IL1RAPL1: variants seen among roughly 807,000 people sequenced by gnomAD.
IL1RAPL1 encodes interleukin-1 receptor accessory protein-like 1.
A neutral mutation model predicts 48.4 loss-of-function variants in IL1RAPL1; 3 were observed. The ratio of observed to expected loss-of-function variants is 0.06; its 90% confidence interval spans 0.03 to 0.16. The LOEUF (loss-of-function observed/expected upper bound fraction) is 0.16. Among genes scored for constraint, IL1RAPL1 ranks in the 10% least tolerant of loss-of-function variants. IL1RAPL1 has a pLI of 1.00. For synonymous variants in IL1RAPL1, 185 were observed against 187.7 expected, an observed-to-expected ratio of 0.99 and a Z score of 0.12; for missense variants, 349 against 530.6, an observed-to-expected ratio of 0.66 and a Z score of 3.36.
At chrX:29,253,285 C>G (rs1034125825) in intron 2 of IL1RAPL1, among the ~76,000 whole-genome samples, 13 of 110,684 alleles carry the variant, frequency 1.2e-4, no homozygotes, top group Non-Finnish European at 2.3e-4. Context: ...GCATTGTATT[C>G]TCAAATGGAT....
At chrX:29,371,782 T>C (rs1345234080) in intron 3 of IL1RAPL1, among the ~76,000 whole-genome samples, 2 of 112,503 alleles carry the variant, frequency 1.8e-5, no homozygotes, top group Non-Finnish European at 3.8e-5. Context: ...TCATTCTTTT[T>C]AATGGCTGCA....
intron 5 of IL1RAPL1, among the ~76,000 whole-genome samples, chrX:29,653,315 A>G (rs1602347268): frequency 1.8e-5 from 2 of 111,768 alleles, no homozygotes; most frequent in Admixed American, 9.5e-5. Flanking sequence ...AACATTTTGC[A>G]TGTGTTGTTG....
intron 1 of IL1RAPL1, among the ~76,000 whole-genome samples, chrX:28,725,523 A>G (rs937930158): frequency 8.9e-6 from 1 of 111,995 alleles, no homozygotes; most frequent in Non-Finnish European, 1.9e-5. Flanking sequence ...GATTGTATGG[A>G]GCTTCCATAC....
In IL1RAPL1 at chrX:29,559,928, A is replaced by G. The variant is rs936576958; in HGVS notation, c.704-108502A>G. ...AACTTTTATATTGGAGTTACAAGTGACTTATGCACCACTATTACAGTATTA... is the reference window on the plus strand; with the variant it reads ...AACTTTTATATTGGAGTTACAAGTGGCTTATGCACCACTATTACAGTATTA... On this transcript the variant is annotated intron_variant, in intron 5 of 10. Coordinates refer to ENST00000378993, the MANE Select transcript of IL1RAPL1 (RefSeq NM_014271.4). 2.7e-5 allele frequency among the ~76,000 whole-genome samples: 3 copies of G among 111,662 alleles called. No homozygotes were observed. The Admixed American group carries it at 2.9e-4, about 11-fold the overall frequency.
At position 29,955,851 on chromosome X, in the gene IL1RAPL1, A is replaced by T. The variant is rs369147232; in HGVS notation, c.*31A>T. Reference sequence around the variant, plus strand: ...AAGCAAGGGACATCCCGTCCCTGGGAGGTTGAGTGGAATCTGCAGTCCAGT... The same window carrying T: ...AAGCAAGGGACATCCCGTCCCTGGGTGGTTGAGTGGAATCTGCAGTCCAGT... On this transcript the variant is annotated 3_prime_UTR_variant, in exon 11 of 11. Coordinates refer to ENST00000378993, the MANE Select transcript of IL1RAPL1 (RefSeq NM_014271.4). 2.8e-4 allele frequency: 308 copies of T among 1,111,007 alleles called. No homozygotes were observed. Among genetic ancestry groups the T allele is most frequent in the Non-Finnish European group, 3.6e-4 (287 of 806,576 alleles). The allele number at this position is 1,111,007 out of a possible 1,213,427, so 91.6% of individuals were successfully genotyped here.
chrX:29,587,597 T>C (rs1240765097), intron 5 of IL1RAPL1, among the ~76,000 whole-genome samples: 1 of 112,102 alleles, frequency 8.9e-6, no homozygotes, highest in Non-Finnish European at 1.9e-5. Context: ...TTCCACAATG[T>C]ATATGTACTT....
At chrX:29,906,208 T>G (rs7891038) in intron 6 of IL1RAPL1, among the ~76,000 whole-genome samples, 2,413 of 104,637 alleles carry the variant, frequency 0.023, 56 homozygotes, top group African/African-American at 0.08. Flanking sequence ...CGTGGCGGGC[T>G]CCTGTAGTCC....
At chrX:29,100,292 G>A (rs1928307682) in intron 2 of IL1RAPL1, among the ~76,000 whole-genome samples, 1 of 112,073 alleles carries the variant, frequency 8.9e-6, no homozygotes. Flanking sequence ...AAATCAGACA[G>A]CCCTCAGAAC....
intron 5 of IL1RAPL1, among the ~76,000 whole-genome samples, chrX:29,406,572 G>T (rs1934074319): frequency 9.0e-6 from 1 of 111,302 alleles, no homozygotes; most frequent in Admixed American, 9.5e-5. Context: ...TAACTTTGCG[G>T]GTTTTTGCCC....
chrX:29,168,212 A>G (rs1475368616), intron 2 of IL1RAPL1, among the ~76,000 whole-genome samples: 2 of 108,635 alleles, frequency 1.8e-5, no homozygotes, highest in Non-Finnish European at 3.8e-5. Context: ...CTTCACTTCT[A>G]TCTGTCTTGA....
At position 29,711,043 on chromosome X, in the gene IL1RAPL1, GGTGTGTGTGTGT is replaced by G. The variant is rs768108356; in HGVS notation, c.778+42552_778+42563del. On this transcript the variant is annotated intron_variant, in intron 6 of 10. Coordinates refer to ENST00000378993, the MANE Select transcript of IL1RAPL1 (RefSeq NM_014271.4). ...TCTGAGTCTTTTTATCCATGAGCAT[GGTGTGTGTGTGT>G]GTGTGTGTGTGTATACACACACACA... Among the ~76,000 whole-genome samples, 5 of 69,153 alleles carry G rather than the reference GGTGTGTGTGTGT, an allele frequency of 7.2e-5. No individual in the cohort carries two copies. In the East Asian group the frequency reaches 1.6e-3, roughly 22 times the overall value. The allele number at this position is 69,153 out of a possible 115,157, so 60.1% of individuals were successfully genotyped here.
chrX:28,713,280 T>A (rs1421796072), intron 1 of IL1RAPL1, among the ~76,000 whole-genome samples: 1 of 110,521 alleles, frequency 9.0e-6, no homozygotes, highest in African/African-American at 3.3e-5. Flanking sequence ...ATGGTCTCGA[T>A]CTCCTGAACT....
At chrX:29,704,589 A>G (rs1289367893) in intron 6 of IL1RAPL1, among the ~76,000 whole-genome samples, 1 of 111,130 alleles carries the variant, frequency 9.0e-6, no homozygotes, top group Non-Finnish European at 1.9e-5. Flanking sequence ...GAATTGCTTG[A>G]ACCCGGGAGA....
intron 2 of IL1RAPL1, among the ~76,000 whole-genome samples, chrX:29,094,595 T>TA (rs1928163997): frequency 1.9e-5 from 1 of 52,532 alleles, no homozygotes; most frequent in African/African-American, 6.8e-5. Flanking sequence ...CTATCTCTAC[T>TA]TAAAAAAAAA....
intron 3 of IL1RAPL1, among the ~76,000 whole-genome samples, chrX:29,284,263 T>A (rs1299219843): frequency 1.8e-5 from 2 of 112,259 alleles, no homozygotes; most frequent in East Asian, 5.6e-4. Flanking sequence ...AATAATTACC[T>A]GTAAGCTGAG....
At chrX:29,791,646 C>T (rs1390092169) in intron 6 of IL1RAPL1, among the ~76,000 whole-genome samples, 1 of 106,978 alleles carries the variant, frequency 9.3e-6, no homozygotes. Flanking sequence ...CTGGTCTCGA[C>T]CTCCTGACTT....
At chrX:28,740,343 AT>A (rs1188666318) in intron 1 of IL1RAPL1, among the ~76,000 whole-genome samples, 1 of 112,133 alleles carries the variant, frequency 8.9e-6, no homozygotes, top group African/African-American at 3.2e-5. Context: ...AGAAGTTAGA[AT>A]TAGCAGAAGG....
chrX:29,851,530 A>G lies in IL1RAPL1; in HGVS notation c.779-65934A>G, dbSNP rs187378250. Among the ~76,000 whole-genome samples the G allele has an allele frequency of 1.2e-3, 140 of 112,124 alleles. 2 individuals are homozygous for G. The highest frequency in any genetic ancestry group is 4.3e-3 in the African/African-American group (133 of 30,911). The stretch of plus-strand genomic sequence containing the variant: ...TCAACTGGTTTATCATACTGAAATT[A>G]TTTTCAAGAATCCTTCTAGACATTT... On this transcript the variant is annotated intron_variant, in intron 6 of 10. Transcript: ENST00000378993.
intron 2 of IL1RAPL1, among the ~76,000 whole-genome samples, chrX:28,793,663 A>G (rs1467464782): frequency 9.0e-6 from 1 of 111,283 alleles, no homozygotes; most frequent in Non-Finnish European, 1.9e-5. Context: ...GAGCAGGGAA[A>G]TAGTATAAAT....
Sources: allele counts gnomAD v4.1 joint callset (sites outside exome capture counted in the v4.1 genomes callset), GRCh38; gene constraint gnomAD v4.1.1; transcripts MANE v1.5; gene names NCBI Gene and HGNC (gene_info 2026-07-23, HGNC 2026-07-21).